The following ESRP1 variants were observed in gnomAD, a reference collection of about 807,000 sequenced individuals.
ESRP1 encodes the protein RNA-binding motif protein 35A.
In ESRP1, 33 loss-of-function variants were observed where a neutral mutation model predicts 81.7. The observed-to-expected ratio is 0.40, with a 90% CI of 0.31 to 0.54. The LOEUF (loss-of-function observed/expected upper bound fraction) is 0.54. Ranked by LOEUF, ESRP1 falls within the 20% of genes least tolerant of loss-of-function variation. ESRP1 has a pLI of 0.41. For synonymous variants in ESRP1, 320 were observed against 303.3 expected (o/e 1.06, Z -0.57); for missense variants, 672 against 833.1 (o/e 0.81, Z 2.38).
chr8:94,672,476 A>G (rs1286673323), intron 11 of ESRP1, among the ~76,000 whole-genome samples: 2 of 152,248 alleles, frequency 1.3e-5, no homozygotes, highest in African/African-American at 4.8e-5. Flanking sequence ...TTGTGCTGTC[A>G]TAAGCAAGAT....
At chr8:94,680,121 A>G (rs1006759345) in intron 13 of ESRP1, among the ~76,000 whole-genome samples, 16 of 151,900 alleles carry the variant, frequency 1.1e-4, no homozygotes. Flanking sequence ...GGGCTCAAGT[A>G]ATCCACTGCC....
At chr8:94,700,746 G>A (rs1174431830) in intron 15 of ESRP1, among the ~76,000 whole-genome samples, 3 of 151,968 alleles carry the variant, frequency 2.0e-5, no homozygotes, top group African/African-American at 4.8e-5. Flanking sequence ...TGGCTAACAC[G>A]GTGAAACCCC....
chr8:94,685,576 C>T (rs997696558), intron 13 of ESRP1, among the ~76,000 whole-genome samples: 2 of 151,890 alleles, frequency 1.3e-5, no homozygotes, highest in African/African-American at 2.4e-5. Context: ...CTGAGGAGAG[C>T]AAATCACCTG....
intron 13 of ESRP1, among the ~76,000 whole-genome samples, chr8:94,682,921 TATATATATA>T (rs1808964842): frequency 7.3e-4 from 25 of 34,178 alleles, no homozygotes; most frequent in African/African-American, 3.7e-3. Context: ...TATATATATA[TATATATATA>T]TATTTTTTTT....
chr8:94,654,276 C>T (rs545766302), intron 4 of ESRP1, among the ~76,000 whole-genome samples: 1 of 152,190 alleles, frequency 6.6e-6, no homozygotes, highest in Admixed American at 6.5e-5. Context: ...CAAGATCGCA[C>T]CATTTTACCC....
intron 15 of ESRP1, among the ~76,000 whole-genome samples, chr8:94,701,575 A>G (rs1038720147): frequency 3.3e-5 from 5 of 151,834 alleles, no homozygotes; most frequent in Non-Finnish European, 5.9e-5. Context: ...GTTACATTCC[A>G]AGTTGCTTTC....
At chr8:94,680,248 C>T (rs1402327236) in intron 13 of ESRP1, among the ~76,000 whole-genome samples, 1 of 152,068 alleles carries the variant, frequency 6.6e-6, no homozygotes, top group Non-Finnish European at 1.5e-5. Flanking sequence ...GCTAATACTT[C>T]CAAATTAACC....
At chr8:94,688,650 C>T (rs1038852051) in intron 13 of ESRP1, 14 of 189,660 alleles carry the variant, frequency 7.4e-5, no homozygotes, top group Admixed American at 6.9e-4. Flanking sequence ...CCTCAACAGA[C>T]AAAAACAAAA....
At chr8:94,680,162 A>G (rs2890826) in intron 13 of ESRP1, among the ~76,000 whole-genome samples, 127,962 of 152,078 alleles carry the variant, frequency 0.84, 53,984 homozygotes, top group South Asian at 0.89. Flanking sequence ...GGTTACAGGG[A>G]ACATGCTTGT....
At chr8:94,695,348 CTTTTTTTTTTTTT>C (rs1177357708) in intron 14 of ESRP1, among the ~76,000 whole-genome samples, 1 of 61,172 alleles carries the variant, frequency 1.6e-5, no homozygotes, top group African/African-American at 5.9e-5. Flanking sequence ...CTTTTTCTTT[CTTTTTTTTTTTTT>C]TTTTTTTTTT....
chr8:94,653,174 C>A (rs1004790040), intron 4 of ESRP1, among the ~76,000 whole-genome samples: 1 of 152,000 alleles, frequency 6.6e-6, no homozygotes, highest in Non-Finnish European at 1.5e-5. Context: ...TCATGCCTAC[C>A]CATTCAAAGG....
At chr8:94,642,326 G>C (rs1242111837) in intron 2 of ESRP1, among the ~76,000 whole-genome samples, 3 of 152,214 alleles carry the variant, frequency 2.0e-5, no homozygotes, top group Non-Finnish European at 2.9e-5. Context: ...GTTGCTTCCT[G>C]AGTAGTTACT....
In ESRP1 at chr8:94,667,972, T is replaced by C; in HGVS notation, c.955T>C (p.Phe319Leu). The change falls in exon 10 of 16, where the codon TTT becomes CTT. Residue 319 changes from phenylalanine to leucine, a missense_variant. Coordinates refer to ENST00000433389, the MANE Select transcript of ESRP1 (RefSeq NM_017697.4). ...AGGTACTTCCAATGAGGTAGCCCAG[T>C]TTCTCTCCAAGGAAAATCAAGTCAT... Reference protein sequence around the residue: ...AGGTSNEVAQFLSKENQVIVR... With the variant: ...AGGTSNEVAQLLSKENQVIVR... 1.9e-6 allele frequency: 3 copies of C among 1,603,800 alleles called. No individual in the cohort carries two copies. The highest frequency in any genetic ancestry group is 2.6e-6 in the Non-Finnish European group (3 of 1,173,984).
In ESRP1 at chr8:94,692,946, G is replaced by A. The variant is rs534647818; in HGVS notation, c.1971+119G>A. On this transcript the variant is annotated intron_variant, in intron 14 of 15. Transcript: ENST00000433389. ...AACTCGTGTGTGTATATATGCTAAT[G>A]GATTTGCTTATGGAAACAAATAGAT... The A allele has an allele frequency of 6.4e-6, 7 of 1,097,604 alleles. No homozygotes were observed. In the Admixed American group the frequency reaches 1.8e-4, roughly 29 times the overall value. The allele number at this position is 1,097,604 out of a possible 1,614,324, so 68.0% of individuals were successfully genotyped here. A position where few individuals can be genotyped will look rare whatever the true frequency, so the allele number is the denominator to read the frequency against.
chr8:94,690,298 TTTTTTTG>T lies in ESRP1; in HGVS notation c.1821-2378_1821-2372del, dbSNP rs530741177. On this transcript the variant is annotated intron_variant, in intron 13 of 15. Coordinates refer to ENST00000433389, the MANE Select transcript of ESRP1 (RefSeq NM_017697.4). The stretch of plus-strand genomic sequence containing the variant: ...CTAATTTTTTTTTTTTTTTTTTTTT[TTTTTTTG>T]GATTTTTAGTGGAGATGGGATTTCA... Among the ~76,000 whole-genome samples, 459 of 100,506 alleles carry T rather than the reference TTTTTTTG, an allele frequency of 4.6e-3. 5 individuals carry two copies. The highest frequency in any genetic ancestry group is 0.014 in the Middle Eastern group (3 of 208). 65.9% of individuals were successfully genotyped at this position (100,506 alleles called of 152,430 possible). A position where few individuals can be genotyped will look rare whatever the true frequency, so the allele number is the denominator to read the frequency against.
chr8:94,667,884 T>TA, intron 9 of ESRP1, 65 bp from the exon 10 acceptor site: 3 of 1,403,698 alleles, frequency 2.1e-6, no homozygotes, highest in South Asian at 2.8e-5. Context: ...TTTATCACTT[T>TA]AAAATCGGTA....
At chr8:94,703,439 C>T (rs935048923) in intron 15 of ESRP1, among the ~76,000 whole-genome samples, 9 of 152,234 alleles carry the variant, frequency 5.9e-5, no homozygotes, top group Non-Finnish European at 8.8e-5. Context: ...CATAAACCAT[C>T]GCTCCTGGCC....
intron 4 of ESRP1, among the ~76,000 whole-genome samples, chr8:94,660,516 A>C (rs1364996335): frequency 1.3e-5 from 2 of 152,032 alleles, no homozygotes; most frequent in Admixed American, 6.5e-5. Context: ...AGGCAGGTGG[A>C]TCAGCTGAGG....
intron 13 of ESRP1, among the ~76,000 whole-genome samples, chr8:94,689,823 T>TTTTTTTTTTTTTTG (rs1809310198): frequency 7.6e-6 from 1 of 131,142 alleles, no homozygotes; most frequent in African/African-American, 2.8e-5. Context: ...TTTTTTTTTT[T>TTTTTTTTTTTTTTG]TTTTTTTTTT....
Sources: allele counts gnomAD v4.1 joint callset (sites outside exome capture counted in the v4.1 genomes callset), GRCh38; gene constraint gnomAD v4.1.1; transcripts MANE v1.5; gene names NCBI Gene and HGNC (gene_info 2026-07-23, HGNC 2026-07-21).